The following TTLL5 variants were observed in gnomAD, a reference collection of about 807,000 sequenced individuals.
The protein encoded by TTLL5 is tubulin polyglutamylase TTLL5.
A neutral mutation model predicts 168.4 loss-of-function variants in TTLL5; 132 were observed. The observed-to-expected ratio is 0.78, with a 90% CI of 0.68 to 0.91. TTLL5 has a LOEUF of 0.91. Ranked by LOEUF, TTLL5 falls within the 40% of genes least tolerant of loss-of-function variation. The pLI is 0.00. For synonymous variants in TTLL5, 546 were observed against 558.6 expected (o/e 0.98, Z 0.32); for missense variants, 1,545 against 1,581.5 (o/e 0.98, Z 0.39).
At chr14:75,854,464 C>T (rs1897032505) in intron 28 of TTLL5, among the ~76,000 whole-genome samples, 5 of 152,168 alleles carry the variant, frequency 3.3e-5, no homozygotes, top group Admixed American at 3.3e-4. Flanking sequence ...ACTATGAATA[C>T]AAATTCAGTG....
chr14:75,825,667 G>T (rs1174013982), intron 28 of TTLL5, among the ~76,000 whole-genome samples: 2 of 152,004 alleles, frequency 1.3e-5, no homozygotes, highest in South Asian at 4.2e-4. Context: ...TACTTTTTGT[G>T]GGGGGGACTA....
intron 12 of TTLL5, 117 bp from the exon 13 acceptor site, chr14:75,732,221 C>A: frequency 1.4e-6 from 1 of 696,548 alleles, no homozygotes; most frequent in Non-Finnish European, 2.3e-6. Context: ...CTTCCACTTG[C>A]TACTTACACT....
chr14:75,897,897 A>G lies in TTLL5; in HGVS notation c.3741-4245A>G, dbSNP rs1191810609. Among the ~76,000 whole-genome samples the G allele has an allele frequency of 3.3e-5, 5 of 152,214 alleles. No individual in the cohort carries two copies. The East Asian group carries it at 5.8e-4, about 18-fold the overall frequency. ...CTTTCACTACATCAAGCAGCTTTCCATCTCCTAGACAGTTGTACCATTTCC... is the reference window on the plus strand; with the variant it reads ...CTTTCACTACATCAAGCAGCTTTCCGTCTCCTAGACAGTTGTACCATTTCC... On this transcript the variant is annotated intron_variant, in intron 30 of 31. Transcript: ENST00000298832.
intron 28 of TTLL5, among the ~76,000 whole-genome samples, chr14:75,850,597 C>A (rs866533773): frequency 6.6e-6 from 1 of 151,782 alleles, no homozygotes; most frequent in Admixed American, 6.6e-5. Flanking sequence ...GTAGAAGACA[C>A]GTGAATCCTG....
chr14:75,752,898 A>G lies in TTLL5; in HGVS notation c.1493A>G (p.Tyr498Cys), dbSNP rs758716349. 1.9e-6 allele frequency: 3 copies of G among 1,613,432 alleles called. No homozygotes were observed. The highest frequency in any genetic ancestry group is 1.7e-5 in the Admixed American group (1 of 60,018). ...TTTCTTTCTTTGCTTTTCAGGTCCT[A>G]CCTCGAGCATAAGACCTCAATGAAC... ...TSETWEIYGSYLEHKTSMNYM... is the reference protein window; with the variant it reads ...TSETWEIYGSCLEHKTSMNYM... The change falls in exon 18 of 32, where the codon TAC (tyrosine) becomes TGC (cysteine). Residue 498 changes from tyrosine (Y) to cysteine (C), a missense_variant. Transcript: ENST00000298832.
At chr14:75,890,425 A>G (rs1199515843) in intron 30 of TTLL5, among the ~76,000 whole-genome samples, 5 of 152,240 alleles carry the variant, frequency 3.3e-5, no homozygotes, top group Non-Finnish European at 7.3e-5. Flanking sequence ...GAATAAGAGC[A>G]GTAAACATAA....
At chr14:75,875,234 A>G (rs1465107958) in intron 29 of TTLL5, among the ~76,000 whole-genome samples, 5 of 148,822 alleles carry the variant, frequency 3.4e-5, no homozygotes, top group Admixed American at 1.3e-4. Context: ...CGCGCGGCCT[A>G]TATTTTTTAA....
intron 14 of TTLL5, 87 bp from the exon 15 acceptor site, chr14:75,735,108 A>T: frequency 8.3e-7 from 1 of 1,208,466 alleles, no homozygotes; most frequent in Non-Finnish European, 1.2e-6. Flanking sequence ...AGTGAAACTG[A>T]GTTTGTGTAT....
intron 12 of TTLL5, among the ~76,000 whole-genome samples, chr14:75,726,266 T>C (rs1361919385): frequency 2.6e-5 from 4 of 152,210 alleles, no homozygotes; most frequent in African/African-American, 9.6e-5. Flanking sequence ...ATGTAAAGTT[T>C]CCTAAGAATC....
intron 31 of TTLL5, among the ~76,000 whole-genome samples, chr14:75,914,475 T>A (rs1467729069): frequency 1.3e-5 from 2 of 152,146 alleles, no homozygotes; most frequent in African/African-American, 4.8e-5. Context: ...CTAATGAAGA[T>A]TTCATAAAAA....
intron 28 of TTLL5, among the ~76,000 whole-genome samples, chr14:75,856,008 A>G (rs1431652367): frequency 1.3e-5 from 2 of 152,252 alleles, no homozygotes; most frequent in African/African-American, 4.8e-5. Context: ...CAAGGATTTT[A>G]AAGTGACTCT....
chr14:75,820,073 C>A lies in TTLL5; in HGVS notation c.3238C>A (p.Arg1080=). 6.2e-7 allele frequency: 1 copy of A among 1,610,198 alleles called. No individual in the cohort carries two copies. Among genetic ancestry groups the A allele is most frequent in the East Asian group, 2.3e-5 (1 of 44,382 alleles). ...RSSASAPPTL[R]PIISPSGPTW... is the part of the protein sequence containing the mutation. ...CAGTGCTTCAGCTCCCCCAACCCTC[C>A]GACCCATCATCAGTCCTAGTGGCCC... The change falls in exon 28 of 32, where the codon CGA becomes AGA. Residue 1080 remains arginine (R), a synonymous_variant. Coordinates refer to ENST00000298832, the MANE Select transcript of TTLL5 (RefSeq NM_015072.5).
At position 75,682,935 on chromosome 14, in the gene TTLL5, TA is replaced by T. The variant is rs200938741; in HGVS notation, c.265-605del. ...GTGCATGGCACCACTCCTGGCTAAT[TA>T]AAAAAAAAATTTTTTTTATAGAGAC... On this transcript the variant is annotated intron_variant, in intron 4 of 31. Coordinates refer to ENST00000298832, the MANE Select transcript of TTLL5 (RefSeq NM_015072.5). Among the ~76,000 whole-genome samples, 1,155 of 150,902 alleles carry T rather than the reference TA, an allele frequency of 7.7e-3. 14 individuals are homozygous for T. The highest frequency in any genetic ancestry group is 0.027 in the African/African-American group (1,103 of 41,170).
chr14:75,798,669 TATC>T (rs1225871184), intron 27 of TTLL5, among the ~76,000 whole-genome samples: 2 of 152,166 alleles, frequency 1.3e-5, no homozygotes, highest in Non-Finnish European at 2.9e-5. Flanking sequence ...GTGTCACTGT[TATC>T]ATTCAGCTCA....
intron 24 of TTLL5, 86 bp from the exon 25 acceptor site, chr14:75,782,401 T>A (rs1222494514): frequency 1.9e-6 from 2 of 1,071,790 alleles, no homozygotes; most frequent in East Asian, 5.0e-5. Flanking sequence ...GCAGTTGTGT[T>A]ATATTTTTGG....
At chr14:75,789,636 G>A (rs1424026350) in intron 26 of TTLL5, among the ~76,000 whole-genome samples, 8 of 152,074 alleles carry the variant, frequency 5.3e-5, no homozygotes, top group African/African-American at 1.7e-4. Flanking sequence ...CATAAAAACT[G>A]TGTTACCTAG....
At chr14:75,867,230 G>A (rs887451189) in intron 29 of TTLL5, among the ~76,000 whole-genome samples, 13 of 152,110 alleles carry the variant, frequency 8.5e-5, no homozygotes, top group Admixed American at 4.6e-4. Context: ...ACAGGCAATG[G>A]GCTGGATTTG....
At chr14:75,828,695 T>C (rs1014021872) in intron 28 of TTLL5, among the ~76,000 whole-genome samples, 10 of 152,172 alleles carry the variant, frequency 6.6e-5, no homozygotes, top group Non-Finnish European at 8.8e-5. Context: ...ACTAAGTAAA[T>C]GAAAGACCCT....
chr14:75,932,101 C>A (rs2034295315), intron 31 of TTLL5, among the ~76,000 whole-genome samples: 2 of 152,176 alleles, frequency 1.3e-5, no homozygotes, highest in Admixed American at 1.3e-4. Flanking sequence ...GTGGTAAGAT[C>A]AGCTATGCAA....
Sources: gnomAD v4.1 joint callset for allele counts (sites outside exome capture counted in the v4.1 genomes callset) on GRCh38, gnomAD v4.1.1 for gene constraint, MANE v1.5 for transcripts, NCBI Gene and HGNC (gene_info 2026-07-23, HGNC 2026-07-21) for gene names.